NEO1: variants seen among roughly 807,000 people sequenced by gnomAD.
NEO1 encodes the protein neogenin 1, also known as neogenin.
In NEO1, 63 loss-of-function variants were observed where a neutral mutation model predicts 159.7. The ratio of observed to expected loss-of-function variants is 0.39; its 90% CI spans 0.32 to 0.49. The LOEUF (loss-of-function observed/expected upper bound fraction) is 0.49, where lower values mean the gene tolerates loss of function less well. Ranked by LOEUF, NEO1 falls within the 20% of genes least tolerant of loss-of-function variation. NEO1 has a pLI of 0.85. For synonymous variants in NEO1, 633 were observed against 662.0 expected, an observed-to-expected ratio of 0.96 and a Z score of 0.67; for missense variants, 1,615 against 1,831.0, an observed-to-expected ratio of 0.88 and a Z score of 2.15.
At chr15:73,240,306 T>G (rs1827370614) in intron 8 of NEO1, among the ~76,000 whole-genome samples, 1 of 152,194 alleles carries the variant, frequency 6.6e-6, no homozygotes, top group African/African-American at 2.4e-5. Flanking sequence ...CAGGAATGAT[T>G]AGTAAATTAA....
intron 4 of NEO1, among the ~76,000 whole-genome samples, chr15:73,126,994 C>T (rs575586617): frequency 4.6e-5 from 7 of 152,208 alleles, no homozygotes; most frequent in East Asian, 3.9e-4. Context: ...CACTTCGGGA[C>T]GCTGAGGTGG....
chr15:73,187,788 C>A (rs1420069046), intron 7 of NEO1, among the ~76,000 whole-genome samples: 1 of 152,152 alleles, frequency 6.6e-6, no homozygotes, highest in Non-Finnish European at 1.5e-5. Flanking sequence ...CAGTGTTTCC[C>A]AAATTGTGCC....
chr15:73,157,462 T>A (rs1192087276), intron 5 of NEO1, among the ~76,000 whole-genome samples: 1 of 152,168 alleles, frequency 6.6e-6, no homozygotes, highest in African/African-American at 2.4e-5. Flanking sequence ...CCAGGTGAGA[T>A]CCAGGATTCA....
In NEO1 at chr15:73,166,802, C is replaced by T. The variant is rs187983480; in HGVS notation, c.1016-9601C>T. Among the ~76,000 whole-genome samples, 115 of 152,230 alleles carry T rather than the reference C, an allele frequency of 7.6e-4. 1 individual carries two copies. The highest frequency in any genetic ancestry group is 2.7e-3 in the African/African-American group (111 of 41,544). ...GGACAAAGATATTCAGTCCTCAGTT[C>T]CCCCTTACCTGATGTGTACATGCCA... On this transcript the variant is annotated intron_variant, in intron 5 of 28. Coordinates refer to ENST00000261908, the MANE Select transcript of NEO1 (RefSeq NM_002499.4).
intron 7 of NEO1, among the ~76,000 whole-genome samples, chr15:73,184,138 C>A (rs1438293199): frequency 1.3e-5 from 2 of 151,990 alleles, no homozygotes; most frequent in East Asian, 1.9e-4. Context: ...TCTTTATATA[C>A]CTTTTTTAAA....
intron 1 of NEO1, among the ~76,000 whole-genome samples, chr15:73,066,540 G>A (rs2068232386): frequency 6.6e-6 from 1 of 152,138 alleles, no homozygotes; most frequent in African/African-American, 2.4e-5. Context: ...TAATCTGGAT[G>A]ATACTGTCTT....
intron 1 of NEO1, among the ~76,000 whole-genome samples, chr15:73,076,615 T>G (rs1269711003): frequency 6.6e-6 from 1 of 152,158 alleles, no homozygotes; most frequent in Non-Finnish European, 1.5e-5. Context: ...AGTGCAAAGC[T>G]TAAGTAACTT....
rs34165169 is a variant in NEO1, at chr15:73,097,776, C to CTTTTTTTTTTTTTTTTTT, written c.131-18759_131-18742dup. Among the ~76,000 whole-genome samples the CTTTTTTTTTTTTTTTTTT allele has an allele frequency of 2.1e-3, 156 of 75,556 alleles. 4 individuals are homozygous for CTTTTTTTTTTTTTTTTTT. Among genetic ancestry groups the CTTTTTTTTTTTTTTTTTT allele is most frequent in the African/African-American group, 5.0e-3 (60 of 11,932 alleles). 49.6% of individuals were successfully genotyped at this position (75,556 alleles called of 152,430 possible). A position where few individuals can be genotyped will look rare whatever the true frequency, so the allele number is the denominator to read the frequency against. On this transcript the variant is annotated intron_variant, in intron 1 of 28. Transcript: ENST00000261908. ...TTCTAATCCCAGACCTGGAACTAGC[C>CTTTTTTTTTTTTTTTTTT]TTTTTTTTTTTTTTTTTTTTTTGTA...
At chr15:73,228,448 A>G (rs1452810177) in intron 7 of NEO1, among the ~76,000 whole-genome samples, 1 of 144,002 alleles carries the variant, frequency 6.9e-6, no homozygotes, top group Admixed American at 6.8e-5. Context: ...AGAGTTCATT[A>G]TGTATTTTGG....
chr15:73,110,916 T>A (rs1449906788), intron 1 of NEO1, among the ~76,000 whole-genome samples: 1 of 152,070 alleles, frequency 6.6e-6, no homozygotes, highest in African/African-American at 2.4e-5. Flanking sequence ...TGATGATAGA[T>A]CTTTTAGAAA....
chr15:73,214,760 T>TTTTG (rs1443992180), intron 7 of NEO1, among the ~76,000 whole-genome samples: 1 of 152,170 alleles, frequency 6.6e-6, no homozygotes, highest in African/African-American at 2.4e-5. Context: ...ATGTGGGCTT[T>TTTTG]TTTGTTTGTT....
At chr15:73,252,621 T>C (rs2040135144) in intron 11 of NEO1, among the ~76,000 whole-genome samples, 1 of 152,212 alleles carries the variant, frequency 6.6e-6, no homozygotes, top group Admixed American at 6.5e-5. Context: ...ATCCATCATG[T>C]CATTACCCAG....
chr15:73,231,538 GC>G (rs1041056084), intron 7 of NEO1, among the ~76,000 whole-genome samples: 3 of 152,134 alleles, frequency 2.0e-5, no homozygotes, highest in African/African-American at 7.2e-5. Context: ...TTCAAGACCA[GC>G]CTGGGCAACA....
intron 1 of NEO1, among the ~76,000 whole-genome samples, chr15:73,110,361 C>G (rs1470005330): frequency 6.6e-6 from 1 of 152,144 alleles, no homozygotes; most frequent in African/African-American, 2.4e-5. Flanking sequence ...TCCTTCTGCC[C>G]TGAGTTTCTG....
chr15:73,213,660 A>G (rs932134691), intron 7 of NEO1, among the ~76,000 whole-genome samples: 2 of 152,118 alleles, frequency 1.3e-5, no homozygotes, highest in Non-Finnish European at 2.9e-5. Context: ...TTCTTTATCC[A>G]CTCATTGAGT....
intron 22 of NEO1, among the ~76,000 whole-genome samples, chr15:73,282,175 C>A (rs1308778335): frequency 6.6e-6 from 1 of 152,204 alleles, no homozygotes; most frequent in Non-Finnish European, 1.5e-5. Context: ...ATGCCATCTT[C>A]TCAGAGAAGC....
intron 4 of NEO1, among the ~76,000 whole-genome samples, chr15:73,129,770 A>G (rs1483412676): frequency 3.3e-5 from 5 of 152,222 alleles, no homozygotes; most frequent in African/African-American, 4.8e-5. Flanking sequence ...TATTATTACA[A>G]TTGACAGTAG....
chr15:73,060,962 T>C (rs182621857), intron 1 of NEO1, among the ~76,000 whole-genome samples: 230 of 152,308 alleles, frequency 1.5e-3, no homozygotes, highest in African/African-American at 5.3e-3. Context: ...TGTTTATTAA[T>C]CGTACCTCAC....
chr15:73,106,486 G>T (rs2070700300), intron 1 of NEO1, among the ~76,000 whole-genome samples: 1 of 152,128 alleles, frequency 6.6e-6, no homozygotes, highest in Non-Finnish European at 1.5e-5. Context: ...TACATTCTGT[G>T]TGTGTGCAAT....
Sources: allele counts gnomAD v4.1 joint callset (sites outside exome capture counted in the v4.1 genomes callset), GRCh38; gene constraint gnomAD v4.1.1; transcripts MANE v1.5; gene names NCBI Gene and HGNC (gene_info 2026-07-23, HGNC 2026-07-21).